Variants in FRMD5 observed in about 807,000 individuals in gnomAD.
FRMD5 encodes FERM domain containing 5.
FRMD5 carries 20 observed loss-of-function variants against 69.0 expected under a neutral mutation model. The observed-to-expected ratio is 0.29, with a 90% CI of 0.20 to 0.42. The LOEUF is 0.42. FRMD5 is among the 10% of genes least tolerant of loss of function. The pLI, the probability that FRMD5 is intolerant of heterozygous loss-of-function variation, is 1.00. For synonymous variants in FRMD5, 271 were observed against 260.1 expected (o/e 1.04, Z -0.40); for missense variants, 595 against 708.6 (o/e 0.84, Z 1.82).
At position 43,919,529 on chromosome 15, in the gene FRMD5, G is replaced by T; in HGVS notation, c.259C>A (p.Pro87Thr). ...SVVKQLRSQP[P>T]FTMCFRVKFY... The stretch of plus-strand genomic sequence containing the variant: ...TTCACACGGAAGCACATGGTGAATG[G>T]AGGCTGGGCTGCAGAGAAAAAGAGG... Residue 87 changes from proline to threonine, a missense_variant, in exon 4 of 14, where the codon CCA becomes ACA. This residue lies in a region of FRMD5 where 79 missense variants were observed against 139.9 expected (regional missense o/e 0.56). Transcript: ENST00000417257. The T allele has an allele frequency of 6.2e-7, 1 of 1,613,924 alleles. No individual in the cohort carries two copies. Among genetic ancestry groups the T allele is most frequent in the Non-Finnish European group, 8.5e-7 (1 of 1,179,996 alleles).
intron 1 of FRMD5, among the ~76,000 whole-genome samples, chr15:44,124,738 A>T (rs2077002856): frequency 6.6e-6 from 1 of 152,164 alleles, no homozygotes; most frequent in Admixed American, 6.5e-5. Flanking sequence ...ATGTTCTTAG[A>T]CATGCTATTT....
Position 43,926,539 on chromosome 15 carries a change from C to G in FRMD5, c.103-2230G>C, listed in dbSNP as rs1260590431. Among the ~76,000 whole-genome samples the G allele has an allele frequency of 1.3e-5, 2 of 152,142 alleles. 1 individual carries two copies. Among genetic ancestry groups the G allele is most frequent in the African/African-American group, 4.8e-5 (2 of 41,428 alleles). On this transcript the variant is annotated intron_variant, in intron 1 of 13. Coordinates refer to ENST00000417257, the MANE Select transcript of FRMD5 (RefSeq NM_032892.5). ...TAAAGACCTTCACAAAAGGTTTACACCTCACCTCTTCCCCTTCTGCTAACT... is the reference window on the plus strand; with the variant it reads ...TAAAGACCTTCACAAAAGGTTTACAGCTCACCTCTTCCCCTTCTGCTAACT...
At chr15:43,996,626 G>A (rs1209052446) in intron 1 of FRMD5, among the ~76,000 whole-genome samples, 2 of 146,862 alleles carry the variant, frequency 1.4e-5, no homozygotes, top group African/African-American at 5.0e-5. Context: ...TCTAGCTGAT[G>A]TTCAAACCCT....
chr15:43,965,822 C>A (rs549612432), intron 1 of FRMD5, among the ~76,000 whole-genome samples: 23 of 151,892 alleles, frequency 1.5e-4, no homozygotes, highest in African/African-American at 5.1e-4. Context: ...TCAGGTGATC[C>A]GCCCACCTTG....
chr15:43,913,259 G>A (rs2089322468), intron 4 of FRMD5, among the ~76,000 whole-genome samples: 1 of 152,166 alleles, frequency 6.6e-6, no homozygotes, highest in Admixed American at 6.5e-5. Context: ...CAGCTGCAGG[G>A]AGGTTAAAGG....
At chr15:44,058,658 T>C (rs532253709) in intron 1 of FRMD5, among the ~76,000 whole-genome samples, 6 of 151,598 alleles carry the variant, frequency 4.0e-5, no homozygotes, top group Non-Finnish European at 8.8e-5. Context: ...TGGTGGCGGG[T>C]GCCTGTAGTC....
At chr15:44,055,895 G>A (rs1032638930) in intron 1 of FRMD5, among the ~76,000 whole-genome samples, 1 of 152,158 alleles carries the variant, frequency 6.6e-6, no homozygotes, top group African/African-American at 2.4e-5. Context: ...TAAATGTCAT[G>A]ATTATACATC....
At chr15:43,992,061 ATTTGCTTTC>A (rs1349303841) in intron 1 of FRMD5, among the ~76,000 whole-genome samples, 26 of 152,336 alleles carry the variant, frequency 1.7e-4, no homozygotes, top group African/African-American at 6.3e-4. Context: ...TACTAGGAAT[ATTTGCTTTC>A]TACTATAATT....
chr15:44,061,680 A>T (rs1294790496), intron 1 of FRMD5, among the ~76,000 whole-genome samples: 3 of 152,226 alleles, frequency 2.0e-5, no homozygotes, highest in Non-Finnish European at 4.4e-5. Flanking sequence ...TTCAAAAACT[A>T]TTATTACTCG....
intron 1 of FRMD5, among the ~76,000 whole-genome samples, chr15:43,975,533 T>C (rs1215816737): frequency 6.6e-6 from 1 of 152,160 alleles, no homozygotes; most frequent in African/African-American, 2.4e-5. Context: ...GAAACCACAA[T>C]GAGACACCAC....
intron 1 of FRMD5, among the ~76,000 whole-genome samples, chr15:43,930,814 G>T (rs1370590936): frequency 6.6e-6 from 1 of 152,222 alleles, no homozygotes; most frequent in Non-Finnish European, 1.5e-5. Context: ...TGTGCACGTG[G>T]GGTGGGGAAA....
intron 1 of FRMD5, among the ~76,000 whole-genome samples, chr15:44,156,445 G>A (rs995499762): frequency 3.3e-5 from 5 of 152,118 alleles, no homozygotes; most frequent in African/African-American, 1.2e-4. Flanking sequence ...TGCCCAGCCC[G>A]TATAAATAAT....
chr15:43,994,555 T>C (rs1889833681), intron 1 of FRMD5, among the ~76,000 whole-genome samples: 1 of 152,184 alleles, frequency 6.6e-6, no homozygotes. Context: ...CTCAGCCTCC[T>C]GCGTAGCTGG....
intron 1 of FRMD5, among the ~76,000 whole-genome samples, chr15:44,007,883 A>T (rs1200072949): frequency 1.3e-5 from 2 of 151,800 alleles, no homozygotes; most frequent in Non-Finnish European, 2.9e-5. Context: ...ACCTCAGGTG[A>T]TCCACCCGCC....
intron 1 of FRMD5, among the ~76,000 whole-genome samples, chr15:44,129,169 G>A (rs2077064527): frequency 6.6e-6 from 1 of 151,802 alleles, no homozygotes; most frequent in Non-Finnish European, 1.5e-5. Context: ...AAGCTCTTAT[G>A]ATTCCCCAAT....
intron 1 of FRMD5, among the ~76,000 whole-genome samples, chr15:44,130,934 T>G (rs2077089873): frequency 6.6e-6 from 1 of 152,190 alleles, no homozygotes; most frequent in Non-Finnish European, 1.5e-5. Context: ...AAATAAATAA[T>G]TTGTTTTCTT....
chr15:44,044,641 T>C (rs137891690), intron 1 of FRMD5, among the ~76,000 whole-genome samples: 9 of 152,234 alleles, frequency 5.9e-5, no homozygotes, highest in African/African-American at 2.2e-4. Context: ...GAAACCATCA[T>C]TCTCAGCAAA....
intron 1 of FRMD5, chr15:44,194,712 A>G (rs2140628893): frequency 1.6e-6 from 1 of 612,316 alleles, no homozygotes; most frequent in South Asian, 1.8e-5. Flanking sequence ...GCAGGGTAGG[A>G]CTTAGGGGTG....
chr15:44,166,400 T>C (rs1173479083), intron 1 of FRMD5, among the ~76,000 whole-genome samples: 1 of 152,224 alleles, frequency 6.6e-6, no homozygotes, highest in African/African-American at 2.4e-5. Flanking sequence ...TTGGCTTTGA[T>C]GTTTCTGACA....
Sources: allele counts gnomAD v4.1 joint callset (sites outside exome capture counted in the v4.1 genomes callset), GRCh38; gene constraint gnomAD v4.1.1; regional missense constraint gnomAD v4.1.1; transcripts MANE v1.5; gene names NCBI Gene and HGNC (gene_info 2026-07-23, HGNC 2026-07-21).